UBR1: variants seen among roughly 807,000 people sequenced by gnomAD.
UBR1 encodes the protein E3 ubiquitin-protein ligase UBR1.
Under a neutral mutation model 242.1 loss-of-function variants are expected in UBR1, and 102 were observed. The observed-to-expected ratio is 0.42, with a 90% CI of 0.36 to 0.50. The LOEUF is 0.50. UBR1 is among the 20% of genes least tolerant of loss of function. The pLI, the probability that UBR1 is intolerant of heterozygous loss-of-function variation, is 0.01. For synonymous variants in UBR1, 675 were observed against 684.8 expected, an observed-to-expected ratio of 0.99 and a Z score of 0.22; for missense variants, 1,772 against 2,101.8, an observed-to-expected ratio of 0.84 and a Z score of 3.07.
chr15:43,039,738 G>T (rs1242088878), intron 15 of UBR1, among the ~76,000 whole-genome samples: 9 of 152,308 alleles, frequency 5.9e-5, no homozygotes, highest in African/African-American at 2.2e-4. Context: ...GGTGAGAGAA[G>T]GCATCCTTGT....
At chr15:43,088,943 C>A (rs1213021648) in intron 1 of UBR1, among the ~76,000 whole-genome samples, 1 of 151,162 alleles carries the variant, frequency 6.6e-6, no homozygotes, top group Non-Finnish European at 1.5e-5. Flanking sequence ...GGGCGGATCA[C>A]TTGAGGTTAG....
At chr15:43,046,867 C>G (rs1262011115) in intron 14 of UBR1, among the ~76,000 whole-genome samples, 1 of 151,914 alleles carries the variant, frequency 6.6e-6, no homozygotes, top group Non-Finnish European at 1.5e-5. Flanking sequence ...TACTATGGTC[C>G]TCATTATATT....
Position 42,944,645 on chromosome 15 carries a change from C to T in UBR1, c.*684G>A, listed in dbSNP as rs968090356. 6.6e-6 allele frequency: 1 copy of T among 152,320 alleles called. No individual in the cohort carries two copies. Among genetic ancestry groups the T allele is most frequent in the Non-Finnish European group, 1.5e-5 (1 of 68,180 alleles). The allele number at this position is 152,320 out of a possible 1,614,324, so 9.4% of individuals were successfully genotyped here. On this transcript the variant is annotated 3_prime_UTR_variant, in exon 47 of 47. Coordinates refer to ENST00000290650, the MANE Select transcript of UBR1 (RefSeq NM_174916.3). ...TACTGGTAGTCAGAGGTGAGAACTG[C>T]AAGCTCTTTGTACCGTCAGGAATGA... is the stretch of plus-strand genomic sequence containing the variant.
chr15:43,016,805 G>A (rs770758446), intron 28 of UBR1, among the ~76,000 whole-genome samples: 3 of 152,136 alleles, frequency 2.0e-5, no homozygotes, highest in African/African-American at 4.8e-5. Flanking sequence ...TTGAACTCCC[G>A]ACCTCAAGTG....
At chr15:42,982,080 C>T (rs1399957281) in intron 37 of UBR1, among the ~76,000 whole-genome samples, 1 of 152,186 alleles carries the variant, frequency 6.6e-6, no homozygotes, top group Non-Finnish European at 1.5e-5. Flanking sequence ...ACTATACTGC[C>T]TACACTGGTG....
chr15:43,095,800 AG>A (rs1340249868), intron 1 of UBR1, among the ~76,000 whole-genome samples: 2 of 152,236 alleles, frequency 1.3e-5, no homozygotes, highest in Non-Finnish European at 2.9e-5. Context: ...AGTGGCAGCA[AG>A]GGAACTCCGA....
chr15:43,071,763 C>T (rs1387600502), intron 4 of UBR1, among the ~76,000 whole-genome samples: 1 of 152,136 alleles, frequency 6.6e-6, no homozygotes, highest in African/African-American at 2.4e-5. Flanking sequence ...TAATAAAAAG[C>T]TTGTTCAAGC....
In UBR1 at chr15:42,945,046, A is replaced by C. The variant is rs2031709393; in HGVS notation, c.*283T>G. ...CTGTTTGACGTGACTTCATCTACCAAGTGGATGAAATAAAATGAAATGAGA... is the reference window on the plus strand; with the variant it reads ...CTGTTTGACGTGACTTCATCTACCACGTGGATGAAATAAAATGAAATGAGA... On this transcript the variant is annotated 3_prime_UTR_variant, in exon 47 of 47. Coordinates refer to ENST00000290650, the MANE Select transcript of UBR1 (RefSeq NM_174916.3). 1 of 411,390 alleles carries C rather than the reference A, an allele frequency of 2.4e-6. No homozygotes were observed. The highest frequency in any genetic ancestry group is 4.6e-6 in the Non-Finnish European group (1 of 219,452). The allele number at this position is 411,390 out of a possible 1,614,324, so 25.5% of individuals were successfully genotyped here.
chr15:42,972,454 C>T (rs924293093), intron 39 of UBR1, among the ~76,000 whole-genome samples: 4 of 151,994 alleles, frequency 2.6e-5, no homozygotes, highest in African/African-American at 9.7e-5. Flanking sequence ...CTGCAACCCC[C>T]GCCTCCTGGG....
In UBR1 at chr15:43,009,320, GCA is replaced by G. The variant is rs2032881085; in HGVS notation, c.3210-2038_3210-2037del. Among the ~76,000 whole-genome samples the G allele has an allele frequency of 2.0e-5, 3 of 152,244 alleles. No individual in the cohort carries two copies. In the South Asian group the frequency reaches 6.2e-4, roughly 31 times the overall value. ...GTGCATATGATCCAGCTGCAGGCTT[GCA>G]CAGAGCTGGCCCCTGTCCCTGTGCC... On this transcript the variant is annotated intron_variant, in intron 29 of 46. Coordinates refer to ENST00000290650, the MANE Select transcript of UBR1 (RefSeq NM_174916.3).
At chr15:42,960,542 G>A in intron 43 of UBR1, 103 bp downstream of exon 43, 1 of 1,156,918 alleles carries the variant, frequency 8.6e-7, no homozygotes, top group South Asian at 1.3e-5. Flanking sequence ...ACTGTACTGA[G>A]TGAGAATGAA....
intron 20 of UBR1, among the ~76,000 whole-genome samples, chr15:43,030,938 T>A (rs573153254): frequency 8.3e-4 from 126 of 152,352 alleles, no homozygotes; most frequent in African/African-American, 3.0e-3. Flanking sequence ...GTAAAGCATT[T>A]TGTAATTTCC....
At chr15:43,032,679 TC>T in intron 19 of UBR1, 48 bp from the exon 20 acceptor site, 7 of 1,157,098 alleles carry the variant, frequency 6.0e-6, no homozygotes, top group Non-Finnish European at 8.8e-6. Flanking sequence ...ACCAAAAACC[TC>T]CATAAAACAT....
At chr15:43,013,432 C>A (rs1443146259) in intron 29 of UBR1, among the ~76,000 whole-genome samples, 17 of 152,178 alleles carry the variant, frequency 1.1e-4, no homozygotes. Flanking sequence ...GATTCCAATT[C>A]CAAGGTGCTA....
intron 23 of UBR1, 150 bp downstream of exon 23, chr15:43,026,411 A>G (rs1468155082): frequency 1.7e-5 from 11 of 641,230 alleles, no homozygotes; most frequent in Non-Finnish European, 2.7e-5. Context: ...ACTAGATAAG[A>G]TTATTGATTC....
At chr15:42,975,025 T>C (rs948917246) in intron 39 of UBR1, among the ~76,000 whole-genome samples, 1 of 152,090 alleles carries the variant, frequency 6.6e-6, no homozygotes, top group Non-Finnish European at 1.5e-5. Context: ...GCCTCCTGAG[T>C]AGCTGGGATT....
At position 42,943,621 on chromosome 15, in the gene UBR1, C is replaced by A. The variant is rs902329141; in HGVS notation, c.*1708G>T. On this transcript the variant is annotated 3_prime_UTR_variant, in exon 47 of 47. Transcript: ENST00000290650. ...TCAGTTTATCTTTGCTAAATTGGGG[C>A]CCATCTATTAGGGTAGAAGTCAGTA... The A allele has an allele frequency of 2.6e-5, 4 of 152,140 alleles. No homozygotes were observed. Among genetic ancestry groups the A allele is most frequent in the African/African-American group, 9.7e-5 (4 of 41,408 alleles). 9.4% of individuals were successfully genotyped at this position (152,140 alleles called of 1,614,324 possible).
At chr15:43,014,181 G>A in intron 29 of UBR1, among the ~76,000 whole-genome samples, 1 of 152,262 alleles carries the variant, frequency 6.6e-6, no homozygotes, top group Non-Finnish European at 1.5e-5. Context: ...CGCTCACTCA[G>A]TGCTCAATGG....
At position 43,015,718 on chromosome 15, in the gene UBR1, C is replaced by T; in HGVS notation, c.3179G>A (p.Gly1060Glu). 2 of 1,613,934 alleles carry T rather than the reference C, an allele frequency of 1.2e-6. No homozygotes were observed. The highest frequency in any genetic ancestry group is 2.2e-5 in the East Asian group (1 of 44,874). ...LMYDNTSEMPGKEDSIMEEES... is the reference protein window; with the variant it reads ...LMYDNTSEMPEKEDSIMEEES... ...TTCCTCCATAATGGAATCTTCTTTC[C>T]CAGGCATTTCTGATGTATTGTCATA... is the stretch of plus-strand genomic sequence containing the variant. Residue 1060 changes from glycine to glutamate, a missense_variant, in exon 29 of 47, where the codon GGG becomes GAG. Physicochemically the swap from Gly to Glu is moderately conservative, Grantham distance 98. Transcript: ENST00000290650.
Sources: allele counts gnomAD v4.1 joint callset (sites outside exome capture counted in the v4.1 genomes callset), GRCh38; gene constraint gnomAD v4.1.1; transcripts MANE v1.5; gene names NCBI Gene and HGNC (gene_info 2026-07-23, HGNC 2026-07-21).